Variants in PPA2 observed in about 807,000 individuals in gnomAD.
The protein encoded by PPA2 is inorganic pyrophosphatase 2, mitochondrial.
Under a neutral mutation model 49.5 loss-of-function variants are expected in PPA2, and 48 were observed. That is an observed-to-expected ratio of 0.97 (90% CI 0.77 to 1.23). The LOEUF is 1.23. Among genes scored for constraint, PPA2 ranks in the 50% most tolerant of loss-of-function variants. The pLI is 0.00. For missense variants in PPA2, 429 were observed against 410.1 expected, an observed-to-expected ratio of 1.05 and a Z score of -0.40; for synonymous variants, 131 against 139.9, an observed-to-expected ratio of 0.94 and a Z score of 0.45.
At chr4:105,436,137 A>G (rs1360961590) in intron 6 of PPA2, among the ~76,000 whole-genome samples, 1 of 152,134 alleles carries the variant, frequency 6.6e-6, no homozygotes, top group African/African-American at 2.4e-5. Context: ...ATATATAAAA[A>G]TTAATAGTAT....
At chr4:105,401,348 T>TC (rs1722181215) in intron 7 of PPA2, among the ~76,000 whole-genome samples, 1 of 152,156 alleles carries the variant, frequency 6.6e-6, no homozygotes, top group African/African-American at 2.4e-5. Context: ...TTCTGCTTTT[T>TC]CTTCTATACT....
chr4:105,406,216 A>G (rs1387283888), intron 7 of PPA2, among the ~76,000 whole-genome samples: 1 of 151,958 alleles, frequency 6.6e-6, no homozygotes, highest in Non-Finnish European at 1.5e-5. Context: ...AAAAACAAAA[A>G]AACAGGGAAG....
At chr4:105,394,794 T>TG (rs1734071366) in intron 9 of PPA2, among the ~76,000 whole-genome samples, 2 of 152,010 alleles carry the variant, frequency 1.3e-5, no homozygotes, top group Non-Finnish European at 2.9e-5. Context: ...GGGGAAACAC[T>TG]CAAGTCTCAT....
intron 9 of PPA2, among the ~76,000 whole-genome samples, chr4:105,393,487 AT>A: frequency 5.8e-3 from 1 of 172 alleles, no homozygotes; most frequent in Non-Finnish European, 0.016. Flanking sequence ...CTGTCTCAAA[AT>A]AATAATAATA....
At chr4:105,397,159 A>C (rs565900276) in intron 8 of PPA2, among the ~76,000 whole-genome samples, 2 of 152,308 alleles carry the variant, frequency 1.3e-5, no homozygotes, top group South Asian at 4.1e-4. Flanking sequence ...GTTAGTTCAA[A>C]GTAGCTCCTT....
chr4:105,414,808 C>G (rs996187039), intron 7 of PPA2, among the ~76,000 whole-genome samples: 3 of 152,126 alleles, frequency 2.0e-5, no homozygotes, highest in Non-Finnish European at 2.9e-5. Context: ...TTCCCGAGTG[C>G]TTCTCCCGTA....
chr4:105,428,223 C>T (rs533927884), intron 6 of PPA2, among the ~76,000 whole-genome samples: 55 of 152,242 alleles, frequency 3.6e-4, no homozygotes, highest in African/African-American at 5.3e-4. Flanking sequence ...AAGGAACAAC[C>T]GGTACCAACC....
intron 9 of PPA2, among the ~76,000 whole-genome samples, chr4:105,394,203 C>G (rs139609838): frequency 6.6e-5 from 10 of 151,846 alleles, no homozygotes; most frequent in Non-Finnish European, 1.3e-4. Context: ...TCCGTCTCTA[C>G]TAAAAATACA....
At chr4:105,427,465 G>A (rs879453380) in intron 6 of PPA2, among the ~76,000 whole-genome samples, 1 of 152,040 alleles carries the variant, frequency 6.6e-6, no homozygotes, top group Non-Finnish European at 1.5e-5. Flanking sequence ...AAAGTTAGAC[G>A]AATGGCTAAC....
chr4:105,377,217 C>T (rs1408660165), intron 10 of PPA2, among the ~76,000 whole-genome samples: 1 of 152,168 alleles, frequency 6.6e-6, no homozygotes, highest in Non-Finnish European at 1.5e-5. Context: ...GTGATATCCT[C>T]ATCATTAGAA....
rs532982359 is a variant in PPA2, at chr4:105,446,053, T to C, written c.441+330A>G. ...ATGTGTATAAAAGCATAACTTGTCATGTTCAAAGGAATGACTGTAGATAAA... is the reference window on the plus strand; with the variant it reads ...ATGTGTATAAAAGCATAACTTGTCACGTTCAAAGGAATGACTGTAGATAAA... On this transcript the variant is annotated intron_variant, in intron 5 of 11. Transcript: ENST00000341695. The C allele has an allele frequency of 3.7e-3, 722 of 193,582 alleles. 1 individual carries two copies. The highest frequency in any genetic ancestry group is 5.3e-3 in the Non-Finnish European group (506 of 96,294). 12.0% of individuals were successfully genotyped at this position (193,582 alleles called of 1,614,324 possible). A position where few individuals can be genotyped will look rare whatever the true frequency, so the allele number is the denominator to read the frequency against.
chr4:105,453,994 C>T (rs1722773150), intron 2 of PPA2: 1 of 171,004 alleles, frequency 5.8e-6, no homozygotes, highest in Non-Finnish European at 1.2e-5. Flanking sequence ...TGAAATGAAG[C>T]TCCAGGGAGC....
At chr4:105,411,100 AT>A (rs1367823837) in intron 7 of PPA2, among the ~76,000 whole-genome samples, 2 of 152,234 alleles carry the variant, frequency 1.3e-5, no homozygotes, top group Non-Finnish European at 2.9e-5. Flanking sequence ...AAATGCCCCA[AT>A]TAAAAGACAC....
chr4:105,380,227 G>C (rs548048157), intron 10 of PPA2, among the ~76,000 whole-genome samples: 3 of 152,078 alleles, frequency 2.0e-5, no homozygotes, highest in Non-Finnish European at 4.4e-5. Context: ...AGCTTTGGTA[G>C]TTTATATATT....
At chr4:105,413,054 C>T (rs1448764448) in intron 7 of PPA2, among the ~76,000 whole-genome samples, 1 of 152,094 alleles carries the variant, frequency 6.6e-6, no homozygotes, top group African/African-American at 2.4e-5. Context: ...TGGTACTATT[C>T]ATAATAGCAA....
intron 5 of PPA2, 50 bp downstream of exon 5, chr4:105,446,333 C>A: frequency 2.0e-6 from 3 of 1,517,206 alleles, no homozygotes; most frequent in Admixed American, 4.4e-5. Context: ...ATTTATAAGG[C>A]AATTTTTTCA....
chr4:105,459,445 C>G (rs1039910248), intron 1 of PPA2, among the ~76,000 whole-genome samples: 1 of 152,102 alleles, frequency 6.6e-6, no homozygotes, highest in African/African-American at 2.4e-5. Flanking sequence ...TACATGTTTT[C>G]AATTAAAATA....
intron 9 of PPA2, among the ~76,000 whole-genome samples, chr4:105,392,400 T>C (rs2110384811): frequency 6.7e-6 from 1 of 149,032 alleles, no homozygotes; most frequent in Non-Finnish European, 1.5e-5. Context: ...AGGCTGGGAG[T>C]GGTGGCTTAT....
At chr4:105,464,124 G>A (rs904165813) in intron 1 of PPA2, among the ~76,000 whole-genome samples, 1 of 152,158 alleles carries the variant, frequency 6.6e-6, no homozygotes. Context: ...GCAAGGAGGG[G>A]GACTATACCC....
Sources: gnomAD v4.1 joint callset for allele counts (sites outside exome capture counted in the v4.1 genomes callset) on GRCh38, gnomAD v4.1.1 for gene constraint, MANE v1.5 for transcripts, NCBI Gene and HGNC (gene_info 2026-07-23, HGNC 2026-07-21) for gene names.